STARD9: variants seen among roughly 807,000 people sequenced by gnomAD.
STARD9 encodes the protein StAR related lipid transfer domain containing 9, also known as stAR-related lipid transfer protein 9.
STARD9 carries 346 observed loss-of-function variants against 399.8 expected under a neutral mutation model. That is an observed-to-expected ratio of 0.87 (90% CI 0.79 to 0.95). The LOEUF is 0.95. Among genes scored for constraint, STARD9 ranks in the 40% least tolerant of loss-of-function variants. The probability of loss-of-function intolerance (pLI) is 0.00; values close to 1 mark genes in which losing one functional copy is unlikely to be tolerated. For missense variants in STARD9, 5,832 were observed against 5,667.5 expected (o/e 1.03, Z -0.93); for synonymous variants, 2,203 against 2,143.5 (o/e 1.03, Z -0.77).
Position 42,669,588 on chromosome 15 carries a change from A to C in STARD9, c.1497+251A>C, listed in dbSNP as rs2060167560. 2.3e-5 allele frequency: 8 copies of C among 349,984 alleles called. No homozygotes were observed. The South Asian group carries it at 7.0e-4, about 31-fold the overall frequency. The allele number at this position is 349,984 out of a possible 1,614,324, so 21.7% of individuals were successfully genotyped here. ...CTGCTGCTACTGTTGTTCTTATGTA[A>C]CTTACTTTTGTTCTCTTTGCCTTAA... is the stretch of plus-strand genomic sequence containing the variant. On this transcript the variant is annotated intron_variant, in intron 16 of 32. Coordinates refer to ENST00000290607, the MANE Select transcript of STARD9 (RefSeq NM_020759.3).
chr15:42,663,303 C>T lies in STARD9; in HGVS notation c.891C>T (p.Ser297=). 1.3e-6 allele frequency: 2 copies of T among 1,534,008 alleles called. No individual in the cohort carries two copies. Among genetic ancestry groups the T allele is most frequent in the Non-Finnish European group, 1.7e-6 (2 of 1,144,178 alleles). Residue 297 remains serine, a synonymous_variant, in exon 12 of 33, where the codon AGC becomes AGT. Transcript: ENST00000290607. ...AAGCCCAGAACTCCCAAGTTTTCAG[C>T]AGCTGCCAGAGCCTCAACAGCTCAG... is the stretch of plus-strand genomic sequence containing the variant. ...STLAQNSQVF[S]SCQSLNSSVS... is the part of the protein sequence containing the mutation.
At chr15:42,625,153 A>C (rs1483114894) in intron 3 of STARD9, among the ~76,000 whole-genome samples, 4 of 151,926 alleles carry the variant, frequency 2.6e-5, no homozygotes. Flanking sequence ...CAGCCTCCCA[A>C]GTAGCTGGGA....
chr15:42,640,818 CAAA>C, intron 7 of STARD9, among the ~76,000 whole-genome samples: 1 of 83,602 alleles, frequency 1.2e-5, no homozygotes, highest in Non-Finnish European at 2.1e-5. Flanking sequence ...GACTCCGTCT[CAAA>C]AAAAAAAAAA....
At chr15:42,600,822 C>G (rs536704864) in intron 3 of STARD9, among the ~76,000 whole-genome samples, 2 of 151,480 alleles carry the variant, frequency 1.3e-5, no homozygotes, top group South Asian at 4.2e-4. Flanking sequence ...ACAGTGCCAG[C>G]CTGCTTCGTT....
intron 1 of STARD9, among the ~76,000 whole-genome samples, chr15:42,582,606 CT>C (rs1001973136): frequency 1.3e-5 from 2 of 151,588 alleles, no homozygotes; most frequent in Admixed American, 6.6e-5. Flanking sequence ...GATTCCAATA[CT>C]TTTTTTTTGT....
In STARD9 at chr15:42,585,681, A is replaced by T. The variant is rs376813568; in HGVS notation, c.234+44A>T. Reference sequence around the variant, plus strand: ...TTTCTTTCACCTCAGTTCTTTTTTTATGTATAATATTTAAGATGTTTATTA... The same window carrying T: ...TTTCTTTCACCTCAGTTCTTTTTTTTTGTATAATATTTAAGATGTTTATTA... On this transcript the variant is annotated intron_variant, in intron 3 of 32. Transcript: ENST00000290607. The T allele has an allele frequency of 8.4e-6, 10 of 1,192,728 alleles. No individual in the cohort carries two copies. In the South Asian group the frequency reaches 1.3e-4, roughly 16 times the overall value. The allele number at this position is 1,192,728 out of a possible 1,614,324, so 73.9% of individuals were successfully genotyped here.
chr15:42,711,567 A>T (rs1009220883), intron 26 of STARD9, among the ~76,000 whole-genome samples: 2 of 152,232 alleles, frequency 1.3e-5, no homozygotes. Context: ...ATTCACAGAT[A>T]CTGGGAAAAT....
intron 1 of STARD9, among the ~76,000 whole-genome samples, chr15:42,577,804 T>G (rs902518798): frequency 1.3e-5 from 2 of 152,230 alleles, no homozygotes; most frequent in Non-Finnish European, 2.9e-5. Context: ...CATTGAGGCT[T>G]ATCTGAATGT....
intron 27 of STARD9, 29 bp downstream of exon 27, chr15:42,716,793 C>T (rs2061359104): frequency 1.3e-6 from 2 of 1,528,508 alleles, no homozygotes; most frequent in Admixed American, 3.9e-5. Flanking sequence ...TGGGCATAGC[C>T]AGCTGCCTGG....
At position 42,687,489 on chromosome 15, in the gene STARD9, A is replaced by C; in HGVS notation, c.5911A>C (p.Lys1971Gln). Residue 1971 changes from lysine to glutamine, a missense_variant, in exon 23 of 33, where the codon AAG becomes CAG. Around this residue, in one of 2 missense-constraint regions of STARD9, gnomAD observed 5,828 missense variants for 5,651.1 expected, o/e 1.03. Transcript: ENST00000290607. ...MVAQGGGPTP[K>Q]WEGKNETGLL... ...GGCCCAGGGTGGTGGCCCAACCCCTAAGTGGGAAGGGAAAAATGAAACTGG... is the reference window on the plus strand; with the variant it reads ...GGCCCAGGGTGGTGGCCCAACCCCTCAGTGGGAAGGGAAAAATGAAACTGG... The C allele has an allele frequency of 6.5e-7, 1 of 1,537,124 alleles. No homozygotes were observed. Among genetic ancestry groups the C allele is most frequent in the Non-Finnish European group, 8.7e-7 (1 of 1,146,886 alleles).
chr15:42,676,233 A>G (rs1566926123), intron 20 of STARD9, among the ~76,000 whole-genome samples: 1 of 152,152 alleles, frequency 6.6e-6, no homozygotes, highest in Non-Finnish European at 1.5e-5. Context: ...AAAGAGGTAC[A>G]TTATTTGATG....
chr15:42,673,816 C>CTGA (rs2060252813), intron 16 of STARD9: 11 of 419,228 alleles, frequency 2.6e-5, no homozygotes, highest in South Asian at 1.9e-4. Context: ...AACTAATCCA[C>CTGA]TGATTCATTT....
At chr15:42,662,638 G>A (rs1025565500) in intron 10 of STARD9, among the ~76,000 whole-genome samples, 156 bp from the exon 11 acceptor site, 4 of 152,106 alleles carry the variant, frequency 2.6e-5, no homozygotes, top group African/African-American at 9.7e-5. Flanking sequence ...ATTACAAAAT[G>A]GTAACATTTT....
At chr15:42,711,690 T>C (rs1566965584) in intron 26 of STARD9, among the ~76,000 whole-genome samples, 1 of 152,188 alleles carries the variant, frequency 6.6e-6, no homozygotes, top group Admixed American at 6.5e-5. Context: ...TACTCCATTA[T>C]ATGAATAAAC....
chr15:42,706,487 G>C (rs577942820), intron 26 of STARD9, among the ~76,000 whole-genome samples: 25 of 147,850 alleles, frequency 1.7e-4, no homozygotes, highest in Non-Finnish European at 3.3e-4. Flanking sequence ...GTCTTGCTCT[G>C]TTGCCCAGGC....
Position 42,693,178 on chromosome 15 carries a change from C to T in STARD9, c.11600C>T (p.Pro3867Leu). The T allele has an allele frequency of 1.3e-6, 2 of 1,537,150 alleles. No individual in the cohort carries two copies. Among genetic ancestry groups the T allele is most frequent in the Non-Finnish European group, 1.7e-6 (2 of 1,146,890 alleles). Residue 3867 changes from proline to leucine, a missense_variant, in exon 23 of 33, where the codon CCA becomes CTA. Pro to Leu is a moderately conservative substitution (Grantham distance 98, BLOSUM62 -3). This residue lies in a region of STARD9 where 5,828 missense variants were observed against 5,651.1 expected (regional missense o/e 1.03). Coordinates refer to ENST00000290607, the MANE Select transcript of STARD9 (RefSeq NM_020759.3). Reference protein sequence around the residue: ...SSPSPSSPHSPGLFPSTSEYP... With the variant: ...SSPSPSSPHSLGLFPSTSEYP... ...CCCAGTCCCAGCTCCCCTCATTCCC[C>T]AGGGCTCTTTCCCAGTACTTCCGAG...
At chr15:42,633,201 T>G (rs1224409557) in intron 3 of STARD9, among the ~76,000 whole-genome samples, 2 of 151,762 alleles carry the variant, frequency 1.3e-5, no homozygotes, top group Middle Eastern at 3.5e-3. Flanking sequence ...CCTTTGTCCC[T>G]AATTACGTGT....
rs563070805 is a variant in STARD9 at position 42,682,607 on chromosome 15, C to T, written c.2537+32C>T. ...CCAGTAGTTGTCACTGGGAAGCACT[C>T]GGTTAAAGTTTACAACCTTCTTGCC... On this transcript the variant is annotated intron_variant, in intron 22 of 32. Transcript: ENST00000290607. 162 of 1,483,428 alleles carry T rather than the reference C, an allele frequency of 1.1e-4. 1 individual carries two copies. In the South Asian group the frequency reaches 1.9e-3, roughly 17 times the overall value. 91.9% of individuals were successfully genotyped at this position (1,483,428 alleles called of 1,614,324 possible). A position where few individuals can be genotyped will look rare whatever the true frequency, so the allele number is the denominator to read the frequency against.
chr15:42,616,946 C>T (rs1434013692), intron 3 of STARD9, among the ~76,000 whole-genome samples: 1 of 150,886 alleles, frequency 6.6e-6, no homozygotes, highest in Non-Finnish European at 1.5e-5. Context: ...GTAACTACTT[C>T]ATAAATGTAT....
Sources: gnomAD v4.1 joint callset for allele counts (sites outside exome capture counted in the v4.1 genomes callset) on GRCh38, gnomAD v4.1.1 for gene constraint, gnomAD v4.1.1 regional missense constraint, MANE v1.5 for transcripts, NCBI Gene and HGNC (gene_info 2026-07-23, HGNC 2026-07-21) for gene names.